SIL1: variants seen among roughly 807,000 people sequenced by gnomAD.
SIL1 encodes the protein nucleotide exchange factor SIL1.
In SIL1, 40 loss-of-function variants were observed where a neutral mutation model predicts 49.1. That is an observed-to-expected ratio of 0.81 (90% CI 0.63 to 1.06). The LOEUF (loss-of-function observed/expected upper bound fraction) is 1.06, where lower values mean the gene tolerates loss of function less well. Ranked by LOEUF, SIL1 falls within the 50% of genes least tolerant of loss-of-function variation. SIL1 has a pLI of 0.00. For missense variants in SIL1, 500 were observed against 572.6 expected (o/e 0.87, Z 1.29); for synonymous variants, 253 against 250.8 (o/e 1.01, Z -0.08).
chr5:139,013,915 C>T (rs2150422260), intron 7 of SIL1: 1 of 152,214 alleles, frequency 6.6e-6, no homozygotes, highest in African/African-American at 2.4e-5. Flanking sequence ...TTTCTCCCAC[C>T]AATTTTTGGT....
At chr5:139,031,548 G>T (rs1055226796) in intron 5 of SIL1, among the ~76,000 whole-genome samples, 27 of 152,078 alleles carry the variant, frequency 1.8e-4, no homozygotes, top group Admixed American at 5.9e-4. Context: ...CAGGTGGTGT[G>T]TTTTCTTCCA....
intron 1 of SIL1, among the ~76,000 whole-genome samples, chr5:139,142,072 G>T (rs2151801660): frequency 6.6e-6 from 1 of 152,310 alleles, no homozygotes; most frequent in Admixed American, 6.5e-5. Flanking sequence ...AATCAGAATG[G>T]CTGGCTGCCC....
At chr5:138,997,005 T>A (rs2150409267) in intron 7 of SIL1, among the ~76,000 whole-genome samples, 1 of 152,264 alleles carries the variant, frequency 6.6e-6, no homozygotes, top group East Asian at 1.9e-4. Context: ...CGATCACAGC[T>A]CACTATAACC....
intron 3 of SIL1, among the ~76,000 whole-genome samples, chr5:139,093,190 C>T (rs1305244467): frequency 6.6e-6 from 1 of 152,230 alleles, no homozygotes; most frequent in African/African-American, 2.4e-5. Context: ...CCTGCTCTGT[C>T]ACCACATGAT....
chr5:139,102,996 G>C (rs1463120409), intron 3 of SIL1, among the ~76,000 whole-genome samples: 1 of 152,150 alleles, frequency 6.6e-6, no homozygotes, highest in African/African-American at 2.4e-5. Flanking sequence ...TTACAGGTGT[G>C]AGCCACCATG....
chr5:139,010,364 C>T (rs1227527874), intron 7 of SIL1, among the ~76,000 whole-genome samples: 37 of 150,338 alleles, frequency 2.5e-4, no homozygotes, highest in Admixed American at 2.2e-3. Context: ...ATACATTCTT[C>T]TAATTTTTTT....
intron 3 of SIL1, among the ~76,000 whole-genome samples, chr5:139,075,562 C>T (rs1769930572): frequency 1.3e-5 from 2 of 152,140 alleles, no homozygotes; most frequent in African/African-American, 2.4e-5. Flanking sequence ...GCTGCCGCCT[C>T]CCTGACTCTG....
intron 3 of SIL1, among the ~76,000 whole-genome samples, chr5:139,118,236 C>T (rs1463085105): frequency 1.3e-5 from 2 of 152,170 alleles, no homozygotes; most frequent in South Asian, 2.1e-4. Flanking sequence ...TTCTTCACAT[C>T]GTAAGTTCCC....
intron 5 of SIL1, among the ~76,000 whole-genome samples, 178 bp downstream of exon 5, chr5:139,042,442 C>A (rs530458371): frequency 6.6e-6 from 1 of 152,214 alleles, no homozygotes; most frequent in South Asian, 2.1e-4. Context: ...ATGCTCCCAG[C>A]ACTTTTTTTT....
chr5:139,075,988 T>C (rs1300625058), intron 3 of SIL1, among the ~76,000 whole-genome samples: 2 of 152,212 alleles, frequency 1.3e-5, no homozygotes, highest in Non-Finnish European at 2.9e-5. Flanking sequence ...TCTTGGTATC[T>C]TGAAATTCCA....
chr5:139,139,705 G>A (rs989520360), intron 1 of SIL1, among the ~76,000 whole-genome samples: 2 of 152,224 alleles, frequency 1.3e-5, no homozygotes, highest in African/African-American at 2.4e-5. Flanking sequence ...AAAAAGAAAA[G>A]GACAGGCGCA....
rs976034301 is a variant in SIL1, at chr5:138,948,863, G to A, written c.1030-1390C>T. On this transcript the variant is annotated intron_variant, in intron 9 of 9. Transcript: ENST00000394817. The surrounding 1 kb of genome is among the most constrained non-coding windows in gnomAD (Gnocchi z 4.8). ...GTTGTTATTCTAGAGAGCAAGCCCGGCCCAGCATGCTTTTTTCCGCAAGTG... is the reference window on the plus strand; with the variant it reads ...GTTGTTATTCTAGAGAGCAAGCCCGACCCAGCATGCTTTTTTCCGCAAGTG... Among the ~76,000 whole-genome samples the A allele has an allele frequency of 1.1e-4, 17 of 152,128 alleles. No individual in the cohort carries two copies. Among genetic ancestry groups the A allele is most frequent in the Admixed American group, 5.9e-4 (9 of 15,274 alleles).
intron 3 of SIL1, among the ~76,000 whole-genome samples, chr5:139,115,773 T>A (rs564932472): frequency 6.6e-6 from 1 of 152,194 alleles, no homozygotes; most frequent in African/African-American, 2.4e-5. Context: ...ACATAAAGTG[T>A]TTTCCTGAGA....
At chr5:139,128,241 C>G (rs991681994) in intron 1 of SIL1, among the ~76,000 whole-genome samples, 4 of 152,158 alleles carry the variant, frequency 2.6e-5, no homozygotes, top group Admixed American at 2.6e-4. Flanking sequence ...TTTATAACCA[C>G]CCACTTCTAA....
chr5:139,018,452 T>C (rs1438431047), intron 7 of SIL1, among the ~76,000 whole-genome samples: 1 of 151,900 alleles, frequency 6.6e-6, no homozygotes, highest in African/African-American at 2.4e-5. Context: ...TAGCCAGATG[T>C]GGTGCCGCGT....
intron 7 of SIL1, among the ~76,000 whole-genome samples, chr5:139,020,191 G>C (rs1225859500): frequency 1.3e-5 from 2 of 152,182 alleles, no homozygotes; most frequent in Non-Finnish European, 2.9e-5. Context: ...CGGAAACAAA[G>C]GCCGGCAGTG....
intron 6 of SIL1, chr5:139,021,791 GA>G (rs1768535352): frequency 5.1e-6 from 1 of 194,292 alleles, no homozygotes; most frequent in Non-Finnish European, 1.1e-5. Context: ...GAGTGCTGGG[GA>G]GGGGGGAATA....
intron 7 of SIL1, among the ~76,000 whole-genome samples, chr5:139,002,345 G>A (rs895396290): frequency 6.6e-6 from 1 of 152,242 alleles, no homozygotes; most frequent in African/African-American, 2.4e-5. Flanking sequence ...TAAAAAATCT[G>A]AAGCAAATAT....
At chr5:139,118,884 A>G (rs1161477968) in intron 3 of SIL1, among the ~76,000 whole-genome samples, 1 of 152,172 alleles carries the variant, frequency 6.6e-6, no homozygotes, top group Non-Finnish European at 1.5e-5. Flanking sequence ...TCAGATACTG[A>G]GGCCAGAACA....
Sources: allele counts gnomAD v4.1 joint callset (sites outside exome capture counted in the v4.1 genomes callset), GRCh38; gene constraint gnomAD v4.1.1; non-coding constraint Gnocchi (gnomAD v3.1); transcripts MANE v1.5; gene names NCBI Gene and HGNC (gene_info 2026-07-23, HGNC 2026-07-21).